Variants in COL7A1 observed in about 807,000 individuals in gnomAD.
The protein encoded by COL7A1 is collagen type VII alpha 1 chain.
COL7A1 carries 296 observed loss-of-function variants against 456.2 expected under a neutral mutation model. That is an observed-to-expected ratio of 0.65 (90% CI 0.59 to 0.71). COL7A1 has a LOEUF of 0.71. Among genes scored for constraint, COL7A1 ranks in the 30% least tolerant of loss-of-function variants. COL7A1 has a pLI of 0.00. For missense variants in COL7A1, 3,441 were observed against 4,017.2 expected, an observed-to-expected ratio of 0.86 and a Z score of 3.88; for synonymous variants, 1,464 against 1,525.9, an observed-to-expected ratio of 0.96 and a Z score of 0.95.
rs2045867553 is a variant in COL7A1 at position 48,593,644 on chromosome 3, T to C, written c.319A>G (p.Ile107Val). The change falls in exon 4 of 119, where the codon ATC becomes GTC. Residue 107 changes from isoleucine to valine, a missense_variant. Ile to Val is a conservative substitution (Grantham distance 29). Around this residue, in one of 3 missense-constraint regions of COL7A1, gnomAD observed 913 missense variants for 1,088.2 expected, o/e 0.84. Coordinates refer to ENST00000681320, the MANE Select transcript of COL7A1 (RefSeq NM_000094.4). The surrounding 1 kb of genome is among the most constrained non-coding windows in gnomAD (Gnocchi z 4.4). ...CCCCCCTTGTAGCTAAGCTCACGGA[T>C]GGCGCGGATCACATCACCCCCAGAG... ...LGSGGDVIRAIRELSYKGGNT... is the reference protein window; with the variant it reads ...LGSGGDVIRAVRELSYKGGNT... 6.2e-7 allele frequency: 1 copy of C among 1,614,186 alleles called. No homozygotes were observed. Among genetic ancestry groups the C allele is most frequent in the Non-Finnish European group, 8.5e-7 (1 of 1,180,022 alleles).
Position 48,574,689 on chromosome 3 carries a change from G to T in COL7A1, c.6381C>A (p.Pro2127=). 1 of 1,613,924 alleles carries T rather than the reference G, an allele frequency of 6.2e-7. No homozygotes were observed. Among genetic ancestry groups the T allele is most frequent in the Non-Finnish European group, 8.5e-7 (1 of 1,180,006 alleles). ...AGAGAGGCCTCACCCTGTCTCCTTT[G>T]GGACCTTGGTCACCATTGCTGCCCG... The part of the protein sequence containing the change: ...GEPGSNGDQG[P]KGDRGVPGIK... The change falls in exon 78 of 119, where the codon CCC becomes CCA. Residue 2127 remains proline, a synonymous_variant. Coordinates refer to ENST00000681320, the MANE Select transcript of COL7A1 (RefSeq NM_000094.4). This position sits in a 1 kb window ranked among gnomAD's most constrained non-coding sequence, Gnocchi z 5.0.
In COL7A1 at chr3:48,592,681, C is replaced by T. The variant is rs775970291; in HGVS notation, c.865G>A (p.Glu289Lys). The change falls in exon 8 of 119, where the codon GAG (glutamate) becomes AAG (lysine). Residue 289 changes from glutamate to lysine, a missense_variant. Physicochemically the swap from Glu to Lys is moderately conservative, Grantham distance 56 (BLOSUM62 1). Around this residue, in one of 3 missense-constraint regions of COL7A1, gnomAD observed 913 missense variants for 1,088.2 expected, o/e 0.84. Transcript: ENST00000681320. This position sits in a 1 kb window ranked among gnomAD's most constrained non-coding sequence, Gnocchi z 7.6. ...ERQEVNVPAG[E>K]TSVRLRGLRP... is the part of the protein sequence containing the mutation. ...AGACCCCGCAGCCGCACACTGGTCT[C>T]ACCAGCTGGGACGTTCACCTGCCCA... 6.2e-7 allele frequency: 1 copy of T among 1,613,904 alleles called. No homozygotes were observed. The highest frequency in any genetic ancestry group is 8.5e-7 in the Non-Finnish European group (1 of 1,180,042).
At position 48,564,801 on chromosome 3, in the gene COL7A1, C is replaced by A. The variant is rs903839030; in HGVS notation, c.8800G>T (p.Val2934Phe). The A allele has an allele frequency of 1.2e-6, 2 of 1,613,886 alleles. No homozygotes were observed. The highest frequency in any genetic ancestry group is 1.6e-4 in the Middle Eastern group (1 of 6,062). ...CCCATACCTGTCCCCTGGCTCTGGACCACCCGGGGTGGGCAGCGGCGCTCG... is the reference window on the plus strand; with the variant it reads ...CCCATACCTGTCCCCTGGCTCTGGAACACCCGGGGTGGGCAGCGGCGCTCG... ...ACERRCPPRV[V>F]QSQGTGTAQD Residue 2934 changes from valine (V) to phenylalanine (F), a missense_variant, in exon 118 of 119, where the codon GTC (valine) becomes TTC (phenylalanine). This residue lies in a region of COL7A1 where 2,084 missense variants were observed against 2,501.3 expected (regional missense o/e 0.83). Coordinates refer to ENST00000681320, the MANE Select transcript of COL7A1 (RefSeq NM_000094.4). The surrounding 1 kb of genome is among the most constrained non-coding windows in gnomAD (Gnocchi z 6.0).
Position 48,564,466 on chromosome 3 carries a change from C to T in COL7A1, c.8819-44G>A. The T allele has an allele frequency of 6.2e-7, 1 of 1,612,292 alleles. No individual in the cohort carries two copies. The highest frequency in any genetic ancestry group is 2.2e-5 in the East Asian group (1 of 44,842). On this transcript the variant is annotated intron_variant, in intron 118 of 118. Transcript: ENST00000681320. The surrounding 1 kb of genome is among the most constrained non-coding windows in gnomAD (Gnocchi z 6.0). ...AAACGGTCGTCAGCCATCTGACCTT[C>T]CCCGGAGACGCTCAGGCAGAGGCAC... is the stretch of plus-strand genomic sequence containing the variant.
rs371053362 is a variant in COL7A1 at position 48,576,618 on chromosome 3, C to T, written c.5700+58G>A. Reference sequence around the variant, plus strand: ...CCCATGGCTTCCCAGGAGGGTTGCCCATTGAAACATCATGGCTTCTAATGC... The same window carrying T: ...CCCATGGCTTCCCAGGAGGGTTGCCTATTGAAACATCATGGCTTCTAATGC... On this transcript the variant is annotated intron_variant, in intron 68 of 118. Transcript: ENST00000681320. 31 of 1,591,152 alleles carry T rather than the reference C, an allele frequency of 1.9e-5. No homozygotes were observed. In the African/African-American group the frequency reaches 2.4e-4, roughly 12 times the overall value.
In COL7A1 at chr3:48,588,872, T is replaced by G; in HGVS notation, c.2438A>C (p.Glu813Ala). Residue 813 changes from glutamate to alanine, a missense_variant and splice_region_variant, in exon 19 of 119, where the codon GAA becomes GCA. Coordinates refer to ENST00000681320, the MANE Select transcript of COL7A1 (RefSeq NM_000094.4). This position sits in a 1 kb window ranked among gnomAD's most constrained non-coding sequence, Gnocchi z 4.6. ...GGGGTGGCGTCAGGGAGCCATACCT[T>G]CACTCCGGCCCCAGGCCAGTCTGTA... ...TAYRLAWGRSEGGPMRHQILP... is the reference protein window; with the variant it reads ...TAYRLAWGRSAGGPMRHQILP... 5 of 1,613,572 alleles carry G rather than the reference T, an allele frequency of 3.1e-6. No homozygotes were observed. The highest frequency in any genetic ancestry group is 4.2e-6 in the Non-Finnish European group (5 of 1,180,014).
rs747075622 is a variant in COL7A1 at position 48,578,285 on chromosome 3, G to C, written c.5532+36C>G. On this transcript the variant is annotated intron_variant, in intron 65 of 118. Transcript: ENST00000681320. The surrounding 1 kb of genome is among the most constrained non-coding windows in gnomAD (Gnocchi z 4.7). ...CTGTGTAGGTGTGCTGGCGTTTCTT[G>C]GCAGGTTTCGCCGCAGCTGCCCTGG... is the stretch of plus-strand genomic sequence containing the variant. 2 of 1,611,852 alleles carry C rather than the reference G, an allele frequency of 1.2e-6. No homozygotes were observed. The highest frequency in any genetic ancestry group is 1.7e-6 in the Non-Finnish European group (2 of 1,179,784).
chr3:48,587,098 A>AC lies in COL7A1; in HGVS notation c.3149dup (p.Gly1051TrpfsTer63), dbSNP rs758165042. ...GTAGGAACACCACATCCGCCAGGCC[A>AC]CGGGGGCACACTGTAGGAAGGGGAA... is the stretch of plus-strand genomic sequence containing the variant. On this transcript the variant is annotated frameshift_variant, in exon 25 of 119. Coordinates refer to ENST00000681320, the MANE Select transcript of COL7A1 (RefSeq NM_000094.4). LOFTEE classifies it high-confidence loss of function. This position sits in a 1 kb window ranked among gnomAD's most constrained non-coding sequence, Gnocchi z 6.1. 1 of 1,612,884 alleles carries AC rather than the reference A, an allele frequency of 6.2e-7. No homozygotes were observed.
chr3:48,571,008 G>A lies in COL7A1; in HGVS notation c.7165-40C>T. The stretch of plus-strand genomic sequence containing the variant: ...GCAAAGGGAGGGAATGGTCAATGCA[G>A]GACCCCTCCCAGGACTCTCATCAGA... On this transcript the variant is annotated intron_variant, in intron 94 of 118. Coordinates refer to ENST00000681320, the MANE Select transcript of COL7A1 (RefSeq NM_000094.4). This position sits in a 1 kb window ranked among gnomAD's most constrained non-coding sequence, Gnocchi z 4.6. 1 of 1,610,626 alleles carries A rather than the reference G, an allele frequency of 6.2e-7. No individual in the cohort carries two copies. Among genetic ancestry groups the A allele is most frequent in the Non-Finnish European group, 8.5e-7 (1 of 1,177,290 alleles).
Position 48,565,777 on chromosome 3 carries a change from G to C in COL7A1, c.8408-109C>G, listed in dbSNP as rs1225152688. The C allele has an allele frequency of 9.6e-7, 1 of 1,040,876 alleles. No homozygotes were observed. Among genetic ancestry groups the C allele is most frequent in the African/African-American group, 1.7e-5 (1 of 59,322 alleles). The allele number at this position is 1,040,876 out of a possible 1,614,324, so 64.5% of individuals were successfully genotyped here. The stretch of plus-strand genomic sequence containing the variant: ...AGGGGTAGAGATACACAAAGAGATA[G>C]CAGGAGAGGGTAACAGGAGAGAGAG... On this transcript the variant is annotated intron_variant, in intron 114 of 118. Coordinates refer to ENST00000681320, the MANE Select transcript of COL7A1 (RefSeq NM_000094.4). The surrounding 1 kb of genome is among the most constrained non-coding windows in gnomAD (Gnocchi z 4.5).
Position 48,574,246 on chromosome 3 carries a change from T to C in COL7A1, c.6501+16A>G. 1 of 1,613,822 alleles carries C rather than the reference T, an allele frequency of 6.2e-7. No individual in the cohort carries two copies. The highest frequency in any genetic ancestry group is 8.5e-7 in the Non-Finnish European group (1 of 1,179,962). ...GGGTCCGGAGCCTGGGGCCAGGTGC[T>C]TCAGCCACCACTCACCGGCTTCCCT... On this transcript the variant is annotated intron_variant, in intron 80 of 118. Transcript: ENST00000681320. The surrounding 1 kb of genome is among the most constrained non-coding windows in gnomAD (Gnocchi z 5.0).
chr3:48,564,470 G>T lies in COL7A1; in HGVS notation c.8819-48C>A. The T allele has an allele frequency of 6.2e-7, 1 of 1,611,500 alleles. No homozygotes were observed. Among genetic ancestry groups the T allele is most frequent in the Non-Finnish European group, 8.5e-7 (1 of 1,178,462 alleles). ...GGTCGTCAGCCATCTGACCTTCCCC[G>T]GAGACGCTCAGGCAGAGGCACCGCC... On this transcript the variant is annotated intron_variant, in intron 118 of 118. Coordinates refer to ENST00000681320, the MANE Select transcript of COL7A1 (RefSeq NM_000094.4). This position sits in a 1 kb window ranked among gnomAD's most constrained non-coding sequence, Gnocchi z 6.0.
chr3:48,576,151 A>G (rs1292067862), intron 71 of COL7A1, 98 bp downstream of exon 71: 30 of 1,570,628 alleles, frequency 1.9e-5, no homozygotes, highest in Non-Finnish European at 2.5e-5. Flanking sequence ...CACACAGCAC[A>G]GAACCTATGG....
At position 48,572,417 on chromosome 3, in the gene COL7A1, G is replaced by T; in HGVS notation, c.6941C>A (p.Ala2314Asp). Reference sequence around the variant, plus strand: ...CAGGTCTCCAGCAAGGCCTCCAGGGGCTCCCTGGTAAGGGGGAGAGGTCAG... The same window carrying T: ...CAGGTCTCCAGCAAGGCCTCCAGGGTCTCCCTGGTAAGGGGGAGAGGTCAG... ...GLPGAKGEKG[A>D]PGGLAGDLVG... is the part of the protein sequence containing the mutation. Residue 2314 changes from alanine to aspartate, a missense_variant, in exon 90 of 119, where the codon GCC becomes GAC. Ala to Asp is a moderately radical substitution (Grantham distance 126, BLOSUM62 -2). Around this residue, in one of 3 missense-constraint regions of COL7A1, gnomAD observed 2,084 missense variants for 2,501.3 expected, o/e 0.83. Coordinates refer to ENST00000681320, the MANE Select transcript of COL7A1 (RefSeq NM_000094.4). The surrounding 1 kb of genome is among the most constrained non-coding windows in gnomAD (Gnocchi z 4.6). 6.2e-7 allele frequency: 1 copy of T among 1,614,118 alleles called. No individual in the cohort carries two copies. Among genetic ancestry groups the T allele is most frequent in the East Asian group, 2.2e-5 (1 of 44,886 alleles).
In COL7A1 at chr3:48,569,409, C is replaced by T. The variant is rs1261169027; in HGVS notation, c.7652G>A (p.Gly2551Glu). 6.2e-7 allele frequency: 1 copy of T among 1,614,182 alleles called. No homozygotes were observed. Among genetic ancestry groups the T allele is most frequent in the Non-Finnish European group, 8.5e-7 (1 of 1,180,012 alleles). Reference sequence around the variant, plus strand: ...AGGGTCCCCATTGTCTCCCCGAGGTCCTTTGTCACCATCCAAGCCCCGAGG... The same window carrying T: ...AGGGTCCCCATTGTCTCCCCGAGGTTCTTTGTCACCATCCAAGCCCCGAGG... ...RGPRGLDGDK[G>E]PRGDNGDPGD... The change falls in exon 103 of 119, where the codon GGA becomes GAA. Residue 2551 changes from glycine (G) to glutamate (E), a missense_variant. This residue lies in a region of COL7A1 where 2,084 missense variants were observed against 2,501.3 expected (regional missense o/e 0.83). Coordinates refer to ENST00000681320, the MANE Select transcript of COL7A1 (RefSeq NM_000094.4). The surrounding 1 kb of genome is among the most constrained non-coding windows in gnomAD (Gnocchi z 4.9).
In COL7A1 at chr3:48,567,984, C is replaced by T; in HGVS notation, c.7876-93G>A. 1 of 1,599,710 alleles carries T rather than the reference C, an allele frequency of 6.3e-7. No individual in the cohort carries two copies. Among genetic ancestry groups the T allele is most frequent in the Non-Finnish European group, 8.6e-7 (1 of 1,167,396 alleles). ...AACTAACTCTCCAAACAGGCCTCAG[C>T]TACTCCAACCTCTGACCCAGTGCCC... On this transcript the variant is annotated intron_variant, in intron 106 of 118. Transcript: ENST00000681320. This position sits in a 1 kb window ranked among gnomAD's most constrained non-coding sequence, Gnocchi z 4.3.
rs1575426645 is a variant in COL7A1 at position 48,571,011 on chromosome 3, C to T, written c.7165-43G>A. The T allele has an allele frequency of 6.2e-7, 1 of 1,611,202 alleles. No individual in the cohort carries two copies. Among genetic ancestry groups the T allele is most frequent in the East Asian group, 2.2e-5 (1 of 44,852 alleles). Reference sequence around the variant, plus strand: ...AAGGGAGGGAATGGTCAATGCAGGACCCCTCCCAGGACTCTCATCAGAACT... The same window carrying T: ...AAGGGAGGGAATGGTCAATGCAGGATCCCTCCCAGGACTCTCATCAGAACT... On this transcript the variant is annotated intron_variant, in intron 94 of 118. Transcript: ENST00000681320. This position sits in a 1 kb window ranked among gnomAD's most constrained non-coding sequence, Gnocchi z 4.6.
Position 48,572,445 on chromosome 3 carries a change from G to A in COL7A1, c.6937-24C>T, listed in dbSNP as rs1369543216. On this transcript the variant is annotated intron_variant, in intron 89 of 118. Coordinates refer to ENST00000681320, the MANE Select transcript of COL7A1 (RefSeq NM_000094.4). The surrounding 1 kb of genome is among the most constrained non-coding windows in gnomAD (Gnocchi z 4.6). Reference sequence around the variant, plus strand: ...CCCTGGTAAGGGGGAGAGGTCAGTGGGATTCCTTGGCCCCCACCAGTTGAC... The same window carrying A: ...CCCTGGTAAGGGGGAGAGGTCAGTGAGATTCCTTGGCCCCCACCAGTTGAC... 10 of 1,614,040 alleles carry A rather than the reference G, an allele frequency of 6.2e-6. No individual in the cohort carries two copies. Among genetic ancestry groups the A allele is most frequent in the African/African-American group, 1.3e-5 (1 of 74,996 alleles).
At position 48,565,119 on chromosome 3, in the gene COL7A1, C is replaced by G. The variant is rs771747896; in HGVS notation, c.8610G>C (p.Trp2870Cys). ...GCCCCCCATTCTCACCATCACTATC[C>G]CAAGGAGCTTCAGGGTCCTGGTACT... The part of the protein sequence containing the change: ...VEEYQDPEAP[W>C]DSDDPCSLPL... Residue 2870 changes from tryptophan (W) to cysteine (C), a missense_variant, in exon 117 of 119, where the codon TGG becomes TGC. By Grantham distance (215) the Trp-to-Cys change is radical (BLOSUM62 -2). Coordinates refer to ENST00000681320, the MANE Select transcript of COL7A1 (RefSeq NM_000094.4). The surrounding 1 kb of genome is among the most constrained non-coding windows in gnomAD (Gnocchi z 4.5). 1 of 1,614,004 alleles carries G rather than the reference C, an allele frequency of 6.2e-7. No homozygotes were observed. Among genetic ancestry groups the G allele is most frequent in the Non-Finnish European group, 8.5e-7 (1 of 1,179,908 alleles).
Sources: gnomAD v4.1 joint callset for allele counts on GRCh38, gnomAD v4.1.1 for gene constraint, gnomAD v4.1.1 regional missense constraint, Gnocchi (gnomAD v3.1) non-coding constraint, MANE v1.5 for transcripts, NCBI Gene and HGNC (gene_info 2026-07-23, HGNC 2026-07-21) for gene names.